Variants in SH3TC1 observed in about 807,000 individuals in gnomAD.
SH3TC1 encodes SH3 domain and tetratricopeptide repeat-containing protein 1.
In SH3TC1, 135 loss-of-function variants were observed where a neutral mutation model predicts 117.3. That is an observed-to-expected ratio of 1.15 (90% CI 1.00 to 1.33). The LOEUF (loss-of-function observed/expected upper bound fraction) is 1.33. SH3TC1 is among the 40% of genes most tolerant of loss of function. The pLI is 0.00. For synonymous variants in SH3TC1, 898 were observed against 816.9 expected, an observed-to-expected ratio of 1.10 and a Z score of -1.69; for missense variants, 2,092 against 1,794.3, an observed-to-expected ratio of 1.17 and a Z score of -3.00.
rs1366395572 is a variant in SH3TC1, at chr4:8,233,993, CCATCCATCCTTCCATTTATCCATCCAT to C, written c.3282+490_3282+516del. ...GTTTGTCCATCCATCCATCCATCAT[CCATCCATCCTTCCATTTATCCATCCAT>C]CATCCATCCATCCATTCATCCATCA... is the stretch of plus-strand genomic sequence containing the variant. On this transcript the variant is annotated intron_variant, in intron 14 of 17. Transcript: ENST00000245105. 2.1e-4 allele frequency among the ~76,000 whole-genome samples: 16 copies of C among 77,322 alleles called. 1 individual carries two copies. Among genetic ancestry groups the C allele is most frequent in the Middle Eastern group, 0.014 (2 of 144 alleles). The allele number at this position is 77,322 out of a possible 152,430, so 50.7% of individuals were successfully genotyped here.
chr4:8,199,138 G>A (rs955167076), upstream of SH3TC1, among the ~76,000 whole-genome samples: 2 of 152,236 alleles, frequency 1.3e-5, no homozygotes, highest in Non-Finnish European at 2.9e-5. Flanking sequence ...CCAGGAAAGA[G>A]CTAATGATCA....
At chr4:8,195,207 A>C (rs540838352), upstream of SH3TC1, among the ~76,000 whole-genome samples, 8 of 152,182 alleles carry the variant, frequency 5.3e-5, no homozygotes, top group Non-Finnish European at 1.2e-4. Context: ...TGACAATTTG[A>C]ATTTATTACA....
chr4:8,230,974 G>T (rs2152994264), intron 12 of SH3TC1, among the ~76,000 whole-genome samples: 1 of 151,880 alleles, frequency 6.6e-6, no homozygotes, highest in East Asian at 1.9e-4. Context: ...AGAGACGGGG[G>T]TTTCACCATG....
In SH3TC1 at chr4:8,232,107, C is replaced by T; in HGVS notation, c.3082C>T (p.Gln1028Ter). ...GGTGGCCGACAAGGTGCTGGAGGGG[C>T]AGCTCCTGGAGACCATCAGCCAGCT... Reference protein sequence around the residue: ...CKVADKVLEGQLLETISQLYL... With the variant: ...CKVADKVLEG The change falls in exon 13 of 18, where the codon CAG becomes TAG. Residue 1028 changes from glutamine to a stop codon, truncating the protein, a stop_gained. Coordinates refer to ENST00000245105, the MANE Select transcript of SH3TC1 (RefSeq NM_018986.5). LOFTEE classifies it high-confidence loss of function. 2 of 1,612,466 alleles carry T rather than the reference C, an allele frequency of 1.2e-6. No individual in the cohort carries two copies. The highest frequency in any genetic ancestry group is 1.7e-6 in the Non-Finnish European group (2 of 1,179,896).
At chr4:8,229,945 G>C (rs969520234) in intron 12 of SH3TC1, among the ~76,000 whole-genome samples, 1 of 150,032 alleles carries the variant, frequency 6.7e-6, no homozygotes, top group Non-Finnish European at 1.5e-5. Context: ...CAGTCGAGGA[G>C]ACCGGGGGCC....
At position 8,217,089 on chromosome 4, in the gene SH3TC1, C is replaced by T. The variant is rs1389451510; in HGVS notation, c.761C>T (p.Ser254Phe). 9 of 1,612,592 alleles carry T rather than the reference C, an allele frequency of 5.6e-6. No homozygotes were observed. The Admixed American group carries it at 1.5e-4, about 27-fold the overall frequency. Residue 254 changes from serine to phenylalanine, a missense_variant, in exon 7 of 18, where the codon TCT (serine) becomes TTT (phenylalanine). Transcript: ENST00000245105. ...PQGEAAPETD[S>F]SPPSPSVSSE... Reference sequence around the variant, plus strand: ...GGAGAGGCGGCCCCGGAAACAGACTCTTCACCGCCGAGCCCCAGCGTGTCC... The same window carrying T: ...GGAGAGGCGGCCCCGGAAACAGACTTTTCACCGCCGAGCCCCAGCGTGTCC...
At position 8,226,972 on chromosome 4, in the gene SH3TC1, A is replaced by G. The variant is rs1720507465; in HGVS notation, c.1286-8A>G. On this transcript the variant is annotated splice_polypyrimidine_tract_variant and splice_region_variant and intron_variant, in intron 11 of 17. Coordinates refer to ENST00000245105, the MANE Select transcript of SH3TC1 (RefSeq NM_018986.5). ...TCTAATCTGTCTAGGTGTTTTTGTGACTTGCAGAAATACCTCCACCTTGCC... is the reference window on the plus strand; with the variant it reads ...TCTAATCTGTCTAGGTGTTTTTGTGGCTTGCAGAAATACCTCCACCTTGCC... 1.3e-6 allele frequency: 2 copies of G among 1,525,282 alleles called. No individual in the cohort carries two copies. Among genetic ancestry groups the G allele is most frequent in the Admixed American group, 2.1e-5 (1 of 46,954 alleles). The allele number at this position is 1,525,282 out of a possible 1,614,324, so 94.5% of individuals were successfully genotyped here. A position where few individuals can be genotyped will look rare whatever the true frequency, so the allele number is the denominator to read the frequency against.
At chr4:8,187,220 G>A (rs1717245425) in intron 1 of SH3TC1, among the ~76,000 whole-genome samples, 1 of 152,194 alleles carries the variant, frequency 6.6e-6, no homozygotes, top group Non-Finnish European at 1.5e-5. Flanking sequence ...TGGGTTTGGG[G>A]GAGGAAGACC....
intron 1 of SH3TC1, among the ~76,000 whole-genome samples, chr4:8,185,514 T>TG (rs1165684418): frequency 6.6e-6 from 1 of 152,020 alleles, no homozygotes; most frequent in Non-Finnish European, 1.5e-5. Context: ...TTCATCCTCC[T>TG]GCGGTTTCTT....
At position 8,228,343 on chromosome 4, in the gene SH3TC1, T is replaced by C. The variant is rs1281150; in HGVS notation, c.2649T>C (p.Ala883=). 0.71 allele frequency: 1,144,042 copies of C among 1,611,438 alleles called. 415,776 individuals are homozygous for C. Among genetic ancestry groups the C allele is most frequent in the Middle Eastern group, 0.75 (4,565 of 6,048 alleles). ...GGACGGGCCGGACGAGGCAGGCAGCTGAGAGCTACTACCGCGCCCTGCGGG... is the reference window on the plus strand; with the variant it reads ...GGACGGGCCGGACGAGGCAGGCAGCCGAGAGCTACTACCGCGCCCTGCGGG... ...LKRTGRTRQA[A]ESYYRALRVA... Residue 883 remains alanine, a synonymous_variant, in exon 12 of 18, where the codon GCT becomes GCC. Coordinates refer to ENST00000245105, the MANE Select transcript of SH3TC1 (RefSeq NM_018986.5).
intron 17 of SH3TC1, among the ~76,000 whole-genome samples, chr4:8,240,131 C>A (rs1722201383): frequency 6.6e-6 from 1 of 152,126 alleles, no homozygotes; most frequent in Non-Finnish European, 1.5e-5. Flanking sequence ...AGGAGGAGGT[C>A]TGGGAAGTGG....
At chr4:8,214,645 C>G (rs535730152) in intron 5 of SH3TC1, 65 bp downstream of exon 5, 7 of 1,194,526 alleles carry the variant, frequency 5.9e-6, no homozygotes, top group African/African-American at 1.5e-5. Context: ...GGTTACACAC[C>G]GTGCACTTAG....
chr4:8,187,423 C>T (rs977110741), intron 1 of SH3TC1, among the ~76,000 whole-genome samples: 15 of 152,216 alleles, frequency 9.9e-5, no homozygotes, highest in Admixed American at 8.5e-4. Flanking sequence ...CATGCTCCGC[C>T]CACCAGCCTA....
At chr4:8,233,246 A>G in intron 13 of SH3TC1, 117 bp from the exon 14 acceptor site, 1 of 1,462,780 alleles carries the variant, frequency 6.8e-7, no homozygotes, top group Non-Finnish European at 9.0e-7. Context: ...CACTGCACAC[A>G]CAAGAGGGCC....
chr4:8,219,212 C>T (rs929478552), intron 8 of SH3TC1, 123 bp from the exon 9 acceptor site: 11 of 976,918 alleles, frequency 1.1e-5, no homozygotes, highest in South Asian at 3.9e-5. Flanking sequence ...AGCTTTACTA[C>T]GAACCTCCTA....
Position 8,212,728 on chromosome 4 carries a change from G to A in SH3TC1, c.275G>A (p.Arg92Gln), listed in dbSNP as rs762540603. ...TDLTLQLLAVRRKSRLRDPGL... is the reference protein window; with the variant it reads ...TDLTLQLLAVQRKSRLRDPGL... ...CTGACCCTGCAGCTGCTGGCTGTGC[G>A]GAGGAAGAGCAGACTGCGGGACCCC... Residue 92 changes from arginine (R) to glutamine (Q), a missense_variant, in exon 4 of 18, where the codon CGG (arginine) becomes CAG (glutamine). By Grantham distance (43) the Arg-to-Gln change is conservative. Transcript: ENST00000245105. 14 of 1,612,940 alleles carry A rather than the reference G, an allele frequency of 8.7e-6. No homozygotes were observed. The highest frequency in any genetic ancestry group is 1.7e-4 in the Middle Eastern group (1 of 6,040).
In SH3TC1 at chr4:8,225,103, C is replaced by T. The variant is rs1237829793; in HGVS notation, c.1244-72C>T. 6.3e-7 allele frequency: 1 copy of T among 1,576,526 alleles called. No individual in the cohort carries two copies. Among genetic ancestry groups the T allele is most frequent in the East Asian group, 2.3e-5 (1 of 44,342 alleles). ...ATGCTCTCACCCTGCAACATCGACACTAGCTCAACCTGGCAGGGGACCAGA... is the reference window on the plus strand; with the variant it reads ...ATGCTCTCACCCTGCAACATCGACATTAGCTCAACCTGGCAGGGGACCAGA... On this transcript the variant is annotated intron_variant, in intron 10 of 17. Coordinates refer to ENST00000245105, the MANE Select transcript of SH3TC1 (RefSeq NM_018986.5). This position sits in a 1 kb window ranked among gnomAD's most constrained non-coding sequence, Gnocchi z 5.5.
rs573433068 is a variant in SH3TC1 at position 8,205,598 on chromosome 4, C to T, written c.172+232C>T. 24 of 777,012 alleles carry T rather than the reference C, an allele frequency of 3.1e-5. No homozygotes were observed. Among genetic ancestry groups the T allele is most frequent in the Middle Eastern group, 2.2e-4 (1 of 4,460 alleles). The allele number at this position is 777,012 out of a possible 1,614,324, so 48.1% of individuals were successfully genotyped here. ...GGCCCAGCTCGTGTTTTTCCAGGGA[C>T]GCGTCAGTGATAACAAAACTGGCAA... On this transcript the variant is annotated intron_variant, in intron 2 of 17. Coordinates refer to ENST00000245105, the MANE Select transcript of SH3TC1 (RefSeq NM_018986.5). The surrounding 1 kb of genome is among the most constrained non-coding windows in gnomAD (Gnocchi z 5.4).
chr4:8,191,248 C>T (rs1011765751), intron 1 of SH3TC1, among the ~76,000 whole-genome samples: 1 of 152,236 alleles, frequency 6.6e-6, no homozygotes, highest in African/African-American at 2.4e-5. Flanking sequence ...GCAGAGTCAG[C>T]GATTCCCTGG....
Sources: gnomAD v4.1 joint callset for allele counts (sites outside exome capture counted in the v4.1 genomes callset) on GRCh38, gnomAD v4.1.1 for gene constraint, Gnocchi (gnomAD v3.1) non-coding constraint, MANE v1.5 for transcripts, NCBI Gene and HGNC (gene_info 2026-07-23, HGNC 2026-07-21) for gene names.